COLEC10: variants seen among roughly 807,000 people sequenced by gnomAD.
The protein encoded by COLEC10 is collectin-10.
Under a neutral mutation model 28.4 loss-of-function variants are expected in COLEC10, and 22 were observed. The observed-to-expected ratio is 0.78, with a 90% CI of 0.55 to 1.11. The LOEUF (loss-of-function observed/expected upper bound fraction) is 1.11. Among genes scored for constraint, COLEC10 ranks in the 50% least tolerant of loss-of-function variants. COLEC10 has a pLI of 0.00. For missense variants in COLEC10, 361 were observed against 344.1 expected (o/e 1.05, Z -0.39); for synonymous variants, 125 against 116.1 (o/e 1.08, Z -0.49).
At chr8:119,026,343 C>T (rs568006310) in intron 2 of COLEC10, among the ~76,000 whole-genome samples, 5 of 152,002 alleles carry the variant, frequency 3.3e-5, no homozygotes, top group African/African-American at 7.2e-5. Context: ...TGCTTGAGGC[C>T]GGGAGTTTGA....
At chr8:118,964,789 C>T in the COLEC10 span, among the ~76,000 whole-genome samples, 1 of 152,170 alleles carries the variant, frequency 6.6e-6, no homozygotes, top group Non-Finnish European at 1.5e-5. Flanking sequence ...TAAGTAAAGA[C>T]ATTTAACTCT....
At chr8:119,067,615 TG>T in intron 1 of COLEC10, 186 bp downstream of exon 1, 1 of 552,682 alleles carries the variant, frequency 1.8e-6, no homozygotes, top group South Asian at 2.6e-5. Flanking sequence ...TCTCCTTTGA[TG>T]TTAGGTAAGA....
chr8:118,956,974 C>T, the COLEC10 span, among the ~76,000 whole-genome samples: 878 of 152,186 alleles, frequency 5.8e-3, 15 homozygotes, highest in African/African-American at 0.021. Context: ...AGAAACTAGC[C>T]TACAAGAGTG....
the COLEC10 span, among the ~76,000 whole-genome samples, chr8:118,971,484 A>AT: frequency 6.6e-6 from 1 of 151,976 alleles, no homozygotes; most frequent in Non-Finnish European, 1.5e-5. Context: ...ATATAGCCTA[A>AT]TTTTTTAACG....
At position 119,047,761 on chromosome 8, in the gene COLEC10, G is replaced by T. The variant is rs538722004; in HGVS notation, n.235+38208G>T. Among the ~76,000 whole-genome samples, 3 of 137,170 alleles carry T rather than the reference G, an allele frequency of 2.2e-5. No individual in the cohort carries two copies. The South Asian group carries it at 7.1e-4, about 32-fold the overall frequency. 90.0% of individuals were successfully genotyped at this position (137,170 alleles called of 152,430 possible). A position where few individuals can be genotyped will look rare whatever the true frequency, so the allele number is the denominator to read the frequency against. The stretch of plus-strand genomic sequence containing the variant: ...TCTCTTATTAAAAAAAAACCTGAGA[G>T]AATTATAAGAAAAACAGGCTTATCT... On this transcript the variant is annotated intron_variant and non_coding_transcript_variant, in intron 2 of 6. Transcript: ENST00000521788.
chr8:118,963,297 A>G, the COLEC10 span, among the ~76,000 whole-genome samples: 2 of 152,226 alleles, frequency 1.3e-5, no homozygotes, highest in South Asian at 2.1e-4. Context: ...AGTTCACTCA[A>G]CAAATAATTA....
chr8:118,978,990 T>C, the COLEC10 span, among the ~76,000 whole-genome samples: 31 of 152,204 alleles, frequency 2.0e-4, no homozygotes, highest in South Asian at 6.2e-3. Context: ...TATGGTGTTA[T>C]TTGACACAGA....
intron 1 of COLEC10, among the ~76,000 whole-genome samples, chr8:119,073,958 A>ACC (rs1815174885): frequency 2.0e-5 from 1 of 50,928 alleles, no homozygotes; most frequent in Non-Finnish European, 3.3e-5. Flanking sequence ...ACACATATAT[A>ACC]CACATATACA....
At chr8:118,970,873 A>G in the COLEC10 span, among the ~76,000 whole-genome samples, 1 of 152,136 alleles carries the variant, frequency 6.6e-6, no homozygotes. Context: ...TGTCACAAAT[A>G]TGACTTGCAC....
rs143306405 is a variant in COLEC10 at position 119,021,271 on chromosome 8, T to A, written n.235+11718T>A. Among the ~76,000 whole-genome samples, 269 of 152,304 alleles carry A rather than the reference T, an allele frequency of 1.8e-3. 1 individual carries two copies. The highest frequency in any genetic ancestry group is 6.3e-3 in the African/African-American group (261 of 41,562). On this transcript the variant is annotated intron_variant and non_coding_transcript_variant, in intron 2 of 6. Coordinates refer to the COLEC10 transcript ENST00000521788. ...CTTCTAGCATGTGAAAAGGCATGTA[T>A]CAAATTATTTCCAAATTTATGCTAA...
At chr8:118,960,432 G>C in the COLEC10 span, among the ~76,000 whole-genome samples, 2 of 152,086 alleles carry the variant, frequency 1.3e-5, no homozygotes, top group Non-Finnish European at 2.9e-5. Context: ...TGATAGCAAG[G>C]TTATGCAATG....
chr8:119,101,710 C>T (rs550270831), intron 3 of COLEC10, among the ~76,000 whole-genome samples: 1 of 152,156 alleles, frequency 6.6e-6, no homozygotes, highest in Non-Finnish European at 1.5e-5. Flanking sequence ...TATATCCTTT[C>T]AAAGCACCCA....
chr8:118,963,323 G>A, the COLEC10 span, among the ~76,000 whole-genome samples: 1 of 152,194 alleles, frequency 6.6e-6, no homozygotes, highest in Non-Finnish European at 1.5e-5. Flanking sequence ...GCTGAGGTTA[G>A]GATATATCTG....
At chr8:119,002,233 A>G (rs1386754486) in intron 1 of COLEC10, among the ~76,000 whole-genome samples, 1 of 152,146 alleles carries the variant, frequency 6.6e-6, no homozygotes, top group Non-Finnish European at 1.5e-5. Flanking sequence ...TTCATTTAAA[A>G]TATGCTTCAA....
At chr8:119,103,939 C>T in intron 5 of COLEC10, 44 bp downstream of exon 5, 1 of 1,200,156 alleles carries the variant, frequency 8.3e-7, no homozygotes, top group South Asian at 1.2e-5. Context: ...TGATAGATCT[C>T]CATCAACACT....
At chr8:119,025,477 G>C (rs890808151) in intron 2 of COLEC10, among the ~76,000 whole-genome samples, 2 of 152,124 alleles carry the variant, frequency 1.3e-5, no homozygotes, top group African/African-American at 4.8e-5. Flanking sequence ...TGTGGCCTTA[G>C]GTCAGGAACT....
At chr8:119,057,547 T>G (rs1001196374) in intron 2 of COLEC10, among the ~76,000 whole-genome samples, 22 of 152,064 alleles carry the variant, frequency 1.4e-4, no homozygotes, top group African/African-American at 4.8e-4. Flanking sequence ...TAATGACAAC[T>G]ACTATTGTAC....
At chr8:118,998,000 A>C (rs1158401756) in intron 1 of COLEC10, among the ~76,000 whole-genome samples, 1 of 152,200 alleles carries the variant, frequency 6.6e-6, no homozygotes, top group African/African-American at 2.4e-5. Context: ...GAAAAATAGC[A>C]CTGGAATGTT....
At chr8:119,070,349 A>T (rs1815077381) in intron 1 of COLEC10, among the ~76,000 whole-genome samples, 1 of 152,186 alleles carries the variant, frequency 6.6e-6, no homozygotes, top group African/African-American at 2.4e-5. Context: ...AGAATAAGTT[A>T]TCAAAATGAC....
Sources: allele counts gnomAD v4.1 joint callset (sites outside exome capture counted in the v4.1 genomes callset), GRCh38; gene constraint gnomAD v4.1.1; transcripts MANE v1.5; gene names NCBI Gene and HGNC (gene_info 2026-07-23, HGNC 2026-07-21).